The following C1orf198 variants were observed in gnomAD, a reference collection of about 807,000 sequenced individuals.
C1orf198 encodes the protein uncharacterized protein C1orf198.
C1orf198 carries 17 observed loss-of-function variants against 31.4 expected under a neutral mutation model. The observed-to-expected ratio is 0.54, with a 90% confidence interval of 0.37 to 0.81. C1orf198 has a LOEUF of 0.81. C1orf198 is among the 40% of genes least tolerant of loss of function. The pLI is 0.00. For synonymous variants in C1orf198, 175 were observed against 193.8 expected, an observed-to-expected ratio of 0.90 and a Z score of 0.81; for missense variants, 401 against 450.3, an observed-to-expected ratio of 0.89 and a Z score of 0.99.
rs547359311 is a variant in C1orf198, at chr1:230,859,448, T to C, written c.334-3730A>G. Among the ~76,000 whole-genome samples, 15 of 152,284 alleles carry C rather than the reference T, an allele frequency of 9.9e-5. No homozygotes were observed. In the South Asian group the frequency reaches 3.1e-3, roughly 32 times the overall value. On this transcript the variant is annotated intron_variant, in intron 1 of 3. Coordinates refer to ENST00000366663, the MANE Select transcript of C1orf198 (RefSeq NM_032800.3). ...CACGACAAGAGAGTGGGCTTCATTG[T>C]TGGCCAGGACTTATCCTCAGAGTCA...
chr1:230,868,459 C>T lies in C1orf198; in HGVS notation c.54G>A (p.Gly18=), dbSNP rs1008287840. The change falls in exon 1 of 4, where the codon GGG becomes GGA. Residue 18 remains glycine (G), a synonymous_variant. Transcript: ENST00000366663. Reference sequence around the variant, plus strand: ...GCTCCCGGTCGTCCAGAGGCCGGTTCCCGCTCATGACCGCCGAGCGCGAAG... The same window carrying T: ...GCTCCCGGTCGTCCAGAGGCCGGTTTCCGCTCATGACCGCCGAGCGCGAAG... ...IAASRSAVMS[G]NRPLDDRERK... 7.1e-6 allele frequency: 11 copies of T among 1,558,978 alleles called. No individual in the cohort carries two copies. The highest frequency in any genetic ancestry group is 1.4e-5 in the African/African-American group (1 of 70,732).
In C1orf198 at chr1:230,843,996, G is replaced by A. The variant is rs1450308391; in HGVS notation, c.385-100C>T. The stretch of plus-strand genomic sequence containing the variant: ...ACGCACCCCTCCTCAGCATAAGGAC[G>A]CACACCAGCCACACACGAGTTGTTG... On this transcript the variant is annotated intron_variant, in intron 2 of 3. Coordinates refer to ENST00000366663, the MANE Select transcript of C1orf198 (RefSeq NM_032800.3). The surrounding 1 kb of genome is among the most constrained non-coding windows in gnomAD (Gnocchi z 4.9). 13 of 1,233,540 alleles carry A rather than the reference G, an allele frequency of 1.1e-5. 1 individual carries two copies. The highest frequency in any genetic ancestry group is 2.4e-5 in the East Asian group (1 of 41,786). 76.4% of individuals were successfully genotyped at this position (1,233,540 alleles called of 1,614,324 possible).
chr1:230,848,389 T>C (rs1669647086), intron 2 of C1orf198, among the ~76,000 whole-genome samples: 1 of 152,142 alleles, frequency 6.6e-6, no homozygotes. Flanking sequence ...AAGAAATAGA[T>C]ACTGCAGGCT....
At chr1:230,847,953 C>T (rs544778693) in intron 2 of C1orf198, among the ~76,000 whole-genome samples, 10 of 152,260 alleles carry the variant, frequency 6.6e-5, no homozygotes, top group East Asian at 1.9e-4. Flanking sequence ...TTCCTGTGTA[C>T]GTGGAGGGCA....
intron 2 of C1orf198, among the ~76,000 whole-genome samples, chr1:230,848,876 C>T (rs1437656217): frequency 1.3e-5 from 2 of 152,174 alleles, no homozygotes; most frequent in Non-Finnish European, 2.9e-5. Flanking sequence ...AAAACAGACT[C>T]TAGCAGGGCC....
At chr1:230,859,322 A>G (rs1669951695) in intron 1 of C1orf198, among the ~76,000 whole-genome samples, 1 of 152,128 alleles carries the variant, frequency 6.6e-6, no homozygotes, top group South Asian at 2.1e-4. Context: ...CCAATCACAT[A>G]TGCTTTTTCT....
chr1:230,863,523 T>G (rs978631880), intron 1 of C1orf198, among the ~76,000 whole-genome samples: 3 of 152,182 alleles, frequency 2.0e-5, no homozygotes, highest in Non-Finnish European at 4.4e-5. Flanking sequence ...CTTCCTGCCC[T>G]CCCTCCCCGC....
intron 2 of C1orf198, among the ~76,000 whole-genome samples, chr1:230,854,139 A>C (rs1438573228): frequency 6.6e-6 from 1 of 152,174 alleles, no homozygotes; most frequent in Non-Finnish European, 1.5e-5. Context: ...ACTATTTTTT[A>C]CTTTCCTTTG....
chr1:230,848,978 T>C (rs1669662716), intron 2 of C1orf198, among the ~76,000 whole-genome samples: 1 of 152,198 alleles, frequency 6.6e-6, no homozygotes, highest in Admixed American at 6.5e-5. Flanking sequence ...GGACCTGTAC[T>C]GGTATGTGTG....
intron 1 of C1orf198, 30 bp from the exon 2 acceptor site, chr1:230,855,748 A>C: frequency 6.2e-7 from 1 of 1,612,508 alleles, no homozygotes; most frequent in Non-Finnish European, 8.5e-7. Context: ...ATAAGTCTGA[A>C]ATTCAAACCC....
intron 1 of C1orf198, among the ~76,000 whole-genome samples, chr1:230,858,133 G>A (rs775258686): frequency 1.2e-4 from 19 of 152,334 alleles, no homozygotes; most frequent in Middle Eastern, 3.4e-3. Context: ...CCAAGGCTTT[G>A]TGATTAGATG....
In C1orf198 at chr1:230,843,354, C is replaced by T. The variant is rs146800823; in HGVS notation, c.927G>A (p.Gln309=). ...DTLFSEPKFA[Q]VSSSNVVLKT... ...GGACGCGCTGGTAAAGGCCACTCAC[C>T]TGTGCAAACTTGGGTTCCGAGAACA... The change falls in exon 3 of 4, where the codon CAG becomes CAA. Residue 309 remains glutamine (Q), a splice_region_variant and synonymous_variant. Coordinates refer to ENST00000366663, the MANE Select transcript of C1orf198 (RefSeq NM_032800.3). This position sits in a 1 kb window ranked among gnomAD's most constrained non-coding sequence, Gnocchi z 4.9. The T allele has an allele frequency of 5.4e-4, 840 of 1,553,240 alleles. No homozygotes were observed. The highest frequency in any genetic ancestry group is 1.2e-3 in the Middle Eastern group (7 of 5,996).
At chr1:230,855,611 T>C (rs536323982) in intron 2 of C1orf198, 57 bp downstream of exon 2, 13 of 1,561,734 alleles carry the variant, frequency 8.3e-6, no homozygotes, top group Admixed American at 1.8e-5. Context: ...AAGAAAAATA[T>C]ACAACTACTC....
chr1:230,854,774 T>C (rs970328761), intron 2 of C1orf198, among the ~76,000 whole-genome samples: 4 of 152,182 alleles, frequency 2.6e-5, no homozygotes, highest in Admixed American at 2.6e-4. Context: ...GGGTCCTTCA[T>C]GAACCACTCT....
intron 1 of C1orf198, among the ~76,000 whole-genome samples, chr1:230,862,109 A>T (rs1441375593): frequency 6.6e-6 from 1 of 152,166 alleles, no homozygotes; most frequent in Non-Finnish European, 1.5e-5. Context: ...TCCAGGGTGG[A>T]ACACGTTGTT....
At chr1:230,848,456 GAGTA>G (rs1472218670) in intron 2 of C1orf198, among the ~76,000 whole-genome samples, 4 of 152,238 alleles carry the variant, frequency 2.6e-5, no homozygotes, top group African/African-American at 7.2e-5. Context: ...GAGATAGAAG[GAGTA>G]AGTGTTTGCT....
chr1:230,844,322 ACT>A (rs1174440865), intron 2 of C1orf198, among the ~76,000 whole-genome samples: 1 of 149,702 alleles, frequency 6.7e-6, no homozygotes, highest in Non-Finnish European at 1.5e-5. Flanking sequence ...CCTCCCCCTG[ACT>A]CTCTCCCTCT....
intron 2 of C1orf198, among the ~76,000 whole-genome samples, chr1:230,850,793 AG>A (rs1669720910): frequency 6.6e-6 from 1 of 152,018 alleles, no homozygotes; most frequent in South Asian, 2.1e-4. Flanking sequence ...GCCTCTCAGA[AG>A]CCCCGTGACT....
intron 1 of C1orf198, among the ~76,000 whole-genome samples, chr1:230,865,162 C>A (rs1341517298): frequency 1.3e-5 from 2 of 152,216 alleles, no homozygotes; most frequent in Non-Finnish European, 2.9e-5. Flanking sequence ...ATTGGTTCTG[C>A]CACCAGACTT....
Sources: gnomAD v4.1 joint callset for allele counts (sites outside exome capture counted in the v4.1 genomes callset) on GRCh38, gnomAD v4.1.1 for gene constraint, Gnocchi (gnomAD v3.1) non-coding constraint, MANE v1.5 for transcripts, NCBI Gene and HGNC (gene_info 2026-07-23, HGNC 2026-07-21) for gene names.